MTMR3: variants seen among roughly 807,000 people sequenced by gnomAD.
MTMR3 encodes myotubularin related protein 3.
Under a neutral mutation model 132.4 loss-of-function variants are expected in MTMR3, and 32 were observed. That is an observed-to-expected ratio of 0.24 (90% CI 0.18 to 0.32). The LOEUF (loss-of-function observed/expected upper bound fraction) is 0.32. MTMR3 is among the 10% of genes least tolerant of loss of function. The pLI, the probability that MTMR3 is intolerant of heterozygous loss-of-function variation, is 1.00. For synonymous variants in MTMR3, 556 were observed against 550.3 expected (o/e 1.01, Z -0.14); for missense variants, 1,216 against 1,489.6 (o/e 0.82, Z 3.02).
chr22:29,953,405 A>G (rs1385649619), intron 1 of MTMR3, among the ~76,000 whole-genome samples: 1 of 152,082 alleles, frequency 6.6e-6, no homozygotes. Context: ...GTTGAAGCTG[A>G]TGTGCTAGGT....
intron 1 of MTMR3, among the ~76,000 whole-genome samples, chr22:29,914,945 C>T (rs1385203013): frequency 6.6e-6 from 1 of 152,128 alleles, no homozygotes; most frequent in Non-Finnish European, 1.5e-5. Context: ...TGATGTTTAA[C>T]TTCCTGTAGA....
At chr22:30,004,408 C>G (rs528525959) in intron 9 of MTMR3, 2 of 152,080 alleles carry the variant, frequency 1.3e-5, no homozygotes, top group East Asian at 1.9e-4. Context: ...AAATAAGAGG[C>G]TTTAGGTGAA....
chr22:29,913,816 A>C (rs924713361), intron 1 of MTMR3, among the ~76,000 whole-genome samples: 1 of 151,632 alleles, frequency 6.6e-6, no homozygotes, highest in Non-Finnish European at 1.5e-5. Flanking sequence ...CGGTGGCGAG[A>C]TCTCGGCTAA....
intron 12 of MTMR3, chr22:30,010,231 GT>G (rs1056613997): frequency 5.9e-5 from 9 of 152,116 alleles, no homozygotes; most frequent in African/African-American, 2.2e-4. Flanking sequence ...TGGCCAAGGG[GT>G]TTAACTACTG....
At chr22:29,923,602 A>G (rs1036783249) in intron 1 of MTMR3, among the ~76,000 whole-genome samples, 13 of 152,310 alleles carry the variant, frequency 8.5e-5, no homozygotes, top group Non-Finnish European at 1.6e-4. Flanking sequence ...TCAGGCTACC[A>G]TAACAAAATA....
intron 1 of MTMR3, among the ~76,000 whole-genome samples, chr22:29,896,419 T>C (rs1371055223): frequency 6.6e-6 from 1 of 152,176 alleles, no homozygotes; most frequent in Non-Finnish European, 1.5e-5. Flanking sequence ...TCTCGTGTAG[T>C]TGTAAGAGGA....
intron 12 of MTMR3, chr22:30,009,374 G>T: frequency 2.2e-6 from 1 of 444,784 alleles, no homozygotes; most frequent in South Asian, 2.9e-5. Flanking sequence ...AAAATCTGCA[G>T]CACAGAAGAA....
intron 18 of MTMR3, 182 bp from the exon 19 acceptor site, chr22:30,022,427 T>C (rs966531315): frequency 1.6e-6 from 1 of 631,404 alleles, no homozygotes; most frequent in Non-Finnish European, 2.8e-6. Context: ...CAGGGGAGAT[T>C]GGAGTCCCCT....
At chr22:29,926,047 C>G (rs780637031) in intron 1 of MTMR3, among the ~76,000 whole-genome samples, 1 of 152,204 alleles carries the variant, frequency 6.6e-6, no homozygotes, top group Non-Finnish European at 1.5e-5. Context: ...AGTTATTCCA[C>G]TTTCCCACTC....
intron 1 of MTMR3, among the ~76,000 whole-genome samples, chr22:29,896,884 C>CACACACACAT (rs2145717340): frequency 6.6e-6 from 1 of 150,850 alleles, no homozygotes; most frequent in South Asian, 2.1e-4. Flanking sequence ...CACACACACA[C>CACACACACAT]ACACACACAC....
chr22:29,989,053 C>T (rs1178145509), intron 6 of MTMR3: 1 of 152,620 alleles, frequency 6.6e-6, no homozygotes. Context: ...TACTTACATC[C>T]AGTCTACTAT....
intron 1 of MTMR3, among the ~76,000 whole-genome samples, chr22:29,923,110 C>T (rs962283492): frequency 2.7e-5 from 4 of 150,288 alleles, no homozygotes; most frequent in Non-Finnish European, 4.4e-5. Flanking sequence ...GGCGCCATCT[C>T]GGCTCACTGC....
At chr22:29,915,671 G>T (rs1049335636) in intron 1 of MTMR3, among the ~76,000 whole-genome samples, 3 of 152,090 alleles carry the variant, frequency 2.0e-5, no homozygotes. Flanking sequence ...TGATCCACCC[G>T]CCTTGGCCTC....
chr22:29,886,553 A>G (rs1242742673), intron 1 of MTMR3, among the ~76,000 whole-genome samples: 1 of 152,200 alleles, frequency 6.6e-6, no homozygotes, highest in Non-Finnish European at 1.5e-5. Context: ...TTAAGGGCCT[A>G]TAGTCTTTGA....
intron 16 of MTMR3, 81 bp from the exon 17 acceptor site, chr22:30,019,399 C>CCCAGTTA (rs1212811227): frequency 5.7e-5 from 76 of 1,341,896 alleles, no homozygotes; most frequent in Non-Finnish European, 7.3e-5. Context: ...TATGAAACAA[C>CCCAGTTA]TGCTTGTTAA....
chr22:29,943,223 C>T (rs2065891016), intron 1 of MTMR3, among the ~76,000 whole-genome samples: 1 of 151,596 alleles, frequency 6.6e-6, no homozygotes, highest in African/African-American at 2.4e-5. Flanking sequence ...GACAGAGTCT[C>T]ACTCTGTCAC....
At chr22:29,945,712 G>GAAAAAAAAAAAAAAAAAAAAAAAAAAA (rs1238843477) in intron 1 of MTMR3, among the ~76,000 whole-genome samples, 1 of 78,112 alleles carries the variant, frequency 1.3e-5, no homozygotes, top group African/African-American at 6.4e-5. Flanking sequence ...TCTTTAAAAT[G>GAAAAAAAAAAAAAAAAAAAAAAAAAAA]AAAAAGAAAA....
At chr22:29,896,048 G>A (rs976433735) in intron 1 of MTMR3, among the ~76,000 whole-genome samples, 2 of 152,168 alleles carry the variant, frequency 1.3e-5, no homozygotes, top group South Asian at 2.1e-4. Flanking sequence ...GGTAGCCCAC[G>A]CCTGTATTCC....
chr22:29,887,621 G>A (rs2064705312), intron 1 of MTMR3, among the ~76,000 whole-genome samples: 2 of 152,278 alleles, frequency 1.3e-5, no homozygotes, highest in Non-Finnish European at 2.9e-5. Flanking sequence ...GGACTTCAGA[G>A]GAACCTGGGA....
Sources: gnomAD v4.1 joint callset for allele counts (sites outside exome capture counted in the v4.1 genomes callset) on GRCh38, gnomAD v4.1.1 for gene constraint, MANE v1.5 for transcripts, NCBI Gene and HGNC (gene_info 2026-07-23, HGNC 2026-07-21) for gene names.